CLEC16A: variants seen among roughly 807,000 people sequenced by gnomAD.
CLEC16A encodes protein CLEC16A.
A neutral mutation model predicts 109.5 loss-of-function variants in CLEC16A; 51 were observed. That is an observed-to-expected ratio of 0.47 (90% CI 0.37 to 0.59). The LOEUF is 0.59. Ranked by LOEUF, CLEC16A falls within the 20% of genes least tolerant of loss-of-function variation. CLEC16A has a pLI of 0.00. For missense variants in CLEC16A, 1,339 were observed against 1,394.0 expected, an observed-to-expected ratio of 0.96 and a Z score of 0.63; for synonymous variants, 673 against 564.2, an observed-to-expected ratio of 1.19 and a Z score of -2.73.
At chr16:11,101,659 T>G (rs1182191939) in intron 19 of CLEC16A, among the ~76,000 whole-genome samples, 2 of 152,180 alleles carry the variant, frequency 1.3e-5, no homozygotes, top group Admixed American at 1.3e-4. Context: ...TGAACAAAAA[T>G]GACAAAAATC....
chr16:10,947,255 G>A (rs2041432650), intron 1 of CLEC16A, among the ~76,000 whole-genome samples: 1 of 152,254 alleles, frequency 6.6e-6, no homozygotes, highest in Non-Finnish European at 1.5e-5. Context: ...TAAACAGCCA[G>A]TGCCCACCCT....
intron 19 of CLEC16A, among the ~76,000 whole-genome samples, chr16:11,097,330 T>C (rs1261022885): frequency 2.0e-5 from 3 of 152,230 alleles, no homozygotes; most frequent in South Asian, 2.1e-4. Context: ...AATTTTCTTA[T>C]CTGAAAGATT....
At chr16:11,080,193 T>C (rs1045737683) in intron 19 of CLEC16A, among the ~76,000 whole-genome samples, 9 of 152,240 alleles carry the variant, frequency 5.9e-5, no homozygotes, top group Admixed American at 3.9e-4. Context: ...GGCACTGTGC[T>C]AGCCACCAGA....
chr16:11,064,848 A>C (rs2048678581), intron 19 of CLEC16A, among the ~76,000 whole-genome samples: 1 of 152,234 alleles, frequency 6.6e-6, no homozygotes, highest in East Asian at 1.9e-4. Flanking sequence ...ATCACATGTA[A>C]AGCTCACAGC....
chr16:11,178,827 T>C lies in CLEC16A; in HGVS notation c.*137T>C. The C allele has an allele frequency of 1.6e-6, 1 of 616,368 alleles. No homozygotes were observed. Among genetic ancestry groups the C allele is most frequent in the Non-Finnish European group, 2.7e-6 (1 of 365,596 alleles). The allele number at this position is 616,368 out of a possible 1,614,324, so 38.2% of individuals were successfully genotyped here. On this transcript the variant is annotated 3_prime_UTR_variant, in exon 24 of 24. Transcript: ENST00000409790. This position sits in a 1 kb window ranked among gnomAD's most constrained non-coding sequence, Gnocchi z 6.5. ...CCATCTCAACCACCTATCCCTGCGC[T>C]CCCTTGAATGGGAAGAAGCCCCACG...
chr16:11,098,043 C>T (rs2152978084), intron 19 of CLEC16A, among the ~76,000 whole-genome samples: 1 of 152,304 alleles, frequency 6.6e-6, no homozygotes, highest in African/African-American at 2.4e-5. Context: ...GCCCGGTGCC[C>T]AGGTCACACC....
At chr16:11,160,072 G>A (rs1332941316) in intron 22 of CLEC16A, among the ~76,000 whole-genome samples, 1 of 152,084 alleles carries the variant, frequency 6.6e-6, no homozygotes, top group Non-Finnish European at 1.5e-5. Context: ...GGTTCCTGTG[G>A]AATCCCCTAT....
chr16:11,074,655 TAG>T (rs752877303), intron 19 of CLEC16A, among the ~76,000 whole-genome samples: 1 of 152,234 alleles, frequency 6.6e-6, no homozygotes, highest in Non-Finnish European at 1.5e-5. Context: ...TGAGCCACAT[TAG>T]AGAGACATGT....
At chr16:11,155,522 T>A (rs1355749471) in intron 22 of CLEC16A, among the ~76,000 whole-genome samples, 1 of 152,262 alleles carries the variant, frequency 6.6e-6, no homozygotes, top group East Asian at 1.9e-4. Flanking sequence ...AGGGCAGACG[T>A]CAACAGAGCC....
rs540806625 is a variant in CLEC16A, at chr16:11,026,068, T to C, written c.1537+1147T>C. 3.9e-5 allele frequency among the ~76,000 whole-genome samples: 6 copies of C among 152,370 alleles called. 1 individual carries two copies. Among genetic ancestry groups the C allele is most frequent in the Admixed American group, 1.3e-4 (2 of 15,310 alleles). ...GAACTGCCATTCTTTTTTATCAATG[T>C]GTGAGCAAATCATAGATATTAAGGA... is the stretch of plus-strand genomic sequence containing the variant. On this transcript the variant is annotated intron_variant, in intron 13 of 23. Coordinates refer to ENST00000409790, the MANE Select transcript of CLEC16A (RefSeq NM_015226.3).
At chr16:11,073,472 C>G (rs941974329) in intron 19 of CLEC16A, among the ~76,000 whole-genome samples, 1 of 152,204 alleles carries the variant, frequency 6.6e-6, no homozygotes, top group Admixed American at 6.5e-5. Context: ...CATGGCCTTG[C>G]GCCACGCTGC....
intron 19 of CLEC16A, among the ~76,000 whole-genome samples, chr16:11,103,866 A>G (rs147897571): frequency 3.9e-5 from 6 of 152,342 alleles, no homozygotes; most frequent in Middle Eastern, 3.4e-3. Flanking sequence ...GGTTCCATCT[A>G]TGAAGCCTTT....
intron 19 of CLEC16A, among the ~76,000 whole-genome samples, chr16:11,079,355 T>C (rs1355609918): frequency 6.6e-6 from 1 of 152,216 alleles, no homozygotes; most frequent in African/African-American, 2.4e-5. Flanking sequence ...TCAGAAGTTG[T>C]TGGGGCTGAG....
chr16:10,951,748 A>T (rs75454124), intron 1 of CLEC16A, among the ~76,000 whole-genome samples: 23 of 152,268 alleles, frequency 1.5e-4, no homozygotes, highest in Non-Finnish European at 3.2e-4. Flanking sequence ...TAAGAGAAAC[A>T]TTTTAATTTG....
chr16:11,074,517 C>T (rs534222597), intron 19 of CLEC16A, among the ~76,000 whole-genome samples: 3 of 152,224 alleles, frequency 2.0e-5, no homozygotes, highest in South Asian at 2.1e-4. Context: ...TAGCTGTTTC[C>T]TGTGTATTGA....
At chr16:11,073,276 C>G (rs1443606516) in intron 19 of CLEC16A, among the ~76,000 whole-genome samples, 1 of 152,106 alleles carries the variant, frequency 6.6e-6, no homozygotes, top group African/African-American at 2.4e-5. Flanking sequence ...GGTCGCTCCA[C>G]AGGTAGACAT....
intron 19 of CLEC16A, among the ~76,000 whole-genome samples, chr16:11,077,994 TG>T (rs2049483434): frequency 6.6e-6 from 1 of 151,132 alleles, no homozygotes; most frequent in Non-Finnish European, 1.5e-5. Flanking sequence ...TGTGTGTGTG[TG>T]TGTGTGTGTG....
chr16:10,973,195 T>C (rs1208578755), intron 7 of CLEC16A, 134 bp downstream of exon 7: 31 of 995,966 alleles, frequency 3.1e-5, no homozygotes, highest in African/African-American at 1.5e-4. Flanking sequence ...ACTTCCGTAC[T>C]GTAAAAGGTC....
chr16:10,965,558 A>G (rs911460215), intron 3 of CLEC16A, among the ~76,000 whole-genome samples: 10 of 152,132 alleles, frequency 6.6e-5, no homozygotes, highest in Admixed American at 3.9e-4. Context: ...TTGTTGTGCT[A>G]TAATCTATTT....
Sources: gnomAD v4.1 joint callset for allele counts (sites outside exome capture counted in the v4.1 genomes callset) on GRCh38, gnomAD v4.1.1 for gene constraint, Gnocchi (gnomAD v3.1) non-coding constraint, MANE v1.5 for transcripts, NCBI Gene and HGNC (gene_info 2026-07-23, HGNC 2026-07-21) for gene names.